Variants in SMIM10L1 observed in about 807,000 individuals in gnomAD.
The protein encoded by SMIM10L1 is small integral membrane protein 10 like 1.
In SMIM10L1, 6 loss-of-function variants were observed where a neutral mutation model predicts 4.5. The ratio of observed to expected loss-of-function variants is 1.33; its 90% CI spans 0.73 to 2.62. The LOEUF (loss-of-function observed/expected upper bound fraction) is 2.62, where lower values mean the gene tolerates loss of function less well. Among genes scored for constraint, SMIM10L1 ranks in the 30% most tolerant of loss-of-function variants. SMIM10L1 has a pLI of 0.00. For missense variants in SMIM10L1, 66 were observed against 86.2 expected (o/e 0.77, Z 0.93); for synonymous variants, 49 against 42.2 (o/e 1.16, Z -0.63).
At position 11,175,912 on chromosome 12, in the gene SMIM10L1, A is replaced by T. The variant is rs1271938058; in HGVS notation, c.*4349A>T. 1.3e-5 allele frequency: 2 copies of T among 152,216 alleles called. No individual in the cohort carries two copies. The highest frequency in any genetic ancestry group is 2.9e-5 in the Non-Finnish European group (2 of 68,036). 9.4% of individuals were successfully genotyped at this position (152,216 alleles called of 1,614,324 possible). ...AGGTTATAGGGAAAAGTCATCTATGAACAAGGAAATGAACCCTCACCAGAT... is the reference window on the plus strand; with the variant it reads ...AGGTTATAGGGAAAAGTCATCTATGTACAAGGAAATGAACCCTCACCAGAT... On this transcript the variant is annotated 3_prime_UTR_variant, in exon 1 of 1. Coordinates refer to ENST00000622602, the MANE Select transcript of SMIM10L1 (RefSeq NM_001271592.2).
At position 11,172,489 on chromosome 12, in the gene SMIM10L1, ATTAC is replaced by A. The variant is rs987137456; in HGVS notation, c.*931_*934del. 4 of 152,130 alleles carry A rather than the reference ATTAC, an allele frequency of 2.6e-5. No individual in the cohort carries two copies. The highest frequency in any genetic ancestry group is 4.4e-5 in the Non-Finnish European group (3 of 68,008). The allele number at this position is 152,130 out of a possible 1,614,324, so 9.4% of individuals were successfully genotyped here. A position where few individuals can be genotyped will look rare whatever the true frequency, so the allele number is the denominator to read the frequency against. On this transcript the variant is annotated 3_prime_UTR_variant, in exon 1 of 1. Coordinates refer to ENST00000622602, the MANE Select transcript of SMIM10L1 (RefSeq NM_001271592.2). ...TTGTTGAGTGGGGAAAGACATTTTT[ATTAC>A]TTACAGGGTAGCCATAAAGTTTCTA...
rs767368957 is a variant in SMIM10L1, at chr12:11,171,853, A to G, written c.*290A>G. On this transcript the variant is annotated 3_prime_UTR_variant, in exon 1 of 1. Coordinates refer to ENST00000622602, the MANE Select transcript of SMIM10L1 (RefSeq NM_001271592.2). ...CACCTGACGAATTTCAGAATGTGAC[A>G]AAGCGCAGAGGATGCATTATTTCAA... The G allele has an allele frequency of 4.3e-5, 12 of 280,536 alleles. No individual in the cohort carries two copies. Among genetic ancestry groups the G allele is most frequent in the Non-Finnish European group, 7.3e-5 (11 of 151,456 alleles). The allele number at this position is 280,536 out of a possible 1,614,324, so 17.4% of individuals were successfully genotyped here. A position where few individuals can be genotyped will look rare whatever the true frequency, so the allele number is the denominator to read the frequency against.
rs2136496013 is a variant in SMIM10L1 at position 11,173,232 on chromosome 12, T to G, written c.*1669T>G. On this transcript the variant is annotated 3_prime_UTR_variant, in exon 1 of 1. Transcript: ENST00000622602. ...ATCTTGCCCCGTCCAACACCATGTC[T>G]GGCCTAGGGTAATTGTTCTTTCTAG... 6.6e-6 allele frequency: 1 copy of G among 152,362 alleles called. No individual in the cohort carries two copies. The highest frequency in any genetic ancestry group is 2.1e-4 in the South Asian group (1 of 4,830). The allele number at this position is 152,362 out of a possible 1,614,324, so 9.4% of individuals were successfully genotyped here.
chr12:11,171,502 T>G lies in SMIM10L1; in HGVS notation c.146T>G (p.Phe49Cys). The change falls in exon 1 of 1, where the codon TTC (phenylalanine) becomes TGC (cysteine). Residue 49 changes from phenylalanine to cysteine, a missense_variant. Phe to Cys is a radical substitution (Grantham distance 205). Transcript: ENST00000622602. ...CTGGCCTGGCAGCTGCGCATGAACT[T>G]CCCGTACTTCTACGTCGCGGGCTCG... is the stretch of plus-strand genomic sequence containing the variant. ...FELAWQLRMN[F>C]PYFYVAGSVI... 1 of 1,232,258 alleles carries G rather than the reference T, an allele frequency of 8.1e-7. No homozygotes were observed. The highest frequency in any genetic ancestry group is 1.0e-6 in the Non-Finnish European group (1 of 988,096). 76.3% of individuals were successfully genotyped at this position (1,232,258 alleles called of 1,614,324 possible).
chr12:11,172,579 A>G lies in SMIM10L1; in HGVS notation c.*1016A>G, dbSNP rs1389552021. ...GAGAACAGTATGAAGTCAACAGGAA[A>G]TGGCTAAAGATGGAGAGCTCAGGTA... On this transcript the variant is annotated 3_prime_UTR_variant, in exon 1 of 1. Coordinates refer to ENST00000622602, the MANE Select transcript of SMIM10L1 (RefSeq NM_001271592.2). 6.6e-6 allele frequency: 1 copy of G among 152,212 alleles called. No individual in the cohort carries two copies. The highest frequency in any genetic ancestry group is 1.5e-5 in the Non-Finnish European group (1 of 68,034). 9.4% of individuals were successfully genotyped at this position (152,212 alleles called of 1,614,324 possible). A position where few individuals can be genotyped will look rare whatever the true frequency, so the allele number is the denominator to read the frequency against.
rs1947918496 is a variant in SMIM10L1, at chr12:11,174,436, T to A, written c.*2873T>A. The A allele has an allele frequency of 6.6e-6, 1 of 152,274 alleles. No individual in the cohort carries two copies. Among genetic ancestry groups the A allele is most frequent in the Non-Finnish European group, 1.5e-5 (1 of 67,996 alleles). The allele number at this position is 152,274 out of a possible 1,614,324, so 9.4% of individuals were successfully genotyped here. A position where few individuals can be genotyped will look rare whatever the true frequency, so the allele number is the denominator to read the frequency against. On this transcript the variant is annotated 3_prime_UTR_variant, in exon 1 of 1. Transcript: ENST00000622602. ...AAAGGAAACATATATTCGTTCCTGATAATAAGATGATTCACTTTATTGCCC... is the reference window on the plus strand; with the variant it reads ...AAAGGAAACATATATTCGTTCCTGAAAATAAGATGATTCACTTTATTGCCC...
Position 11,171,606 on chromosome 12 carries a change from C to A in SMIM10L1, c.*43C>A, listed in dbSNP as rs866470561. On this transcript the variant is annotated 3_prime_UTR_variant, in exon 1 of 1. Transcript: ENST00000622602. Reference sequence around the variant, plus strand: ...CGGCCTCCGGGGCCAGCATGATGGCCGACTCCCAGGGTCCGTTGCGGCGCG... The same window carrying A: ...CGGCCTCCGGGGCCAGCATGATGGCAGACTCCCAGGGTCCGTTGCGGCGCG... 9.9e-6 allele frequency: 12 copies of A among 1,209,968 alleles called. No homozygotes were observed. Among genetic ancestry groups the A allele is most frequent in the Non-Finnish European group, 1.2e-5 (12 of 967,920 alleles). 75.0% of individuals were successfully genotyped at this position (1,209,968 alleles called of 1,614,324 possible). A position where few individuals can be genotyped will look rare whatever the true frequency, so the allele number is the denominator to read the frequency against.
rs1947930286 is a variant in SMIM10L1, at chr12:11,175,180, T to C, written c.*3617T>C. 6.6e-6 allele frequency: 1 copy of C among 152,104 alleles called. No homozygotes were observed. Among genetic ancestry groups the C allele is most frequent in the Non-Finnish European group, 1.5e-5 (1 of 67,984 alleles). The allele number at this position is 152,104 out of a possible 1,614,324, so 9.4% of individuals were successfully genotyped here. On this transcript the variant is annotated 3_prime_UTR_variant, in exon 1 of 1. Transcript: ENST00000622602. ...TGCAGCCTTAAACCTATTGGCTTATTTTATTAGAGGGTTGGTGGGATTGAG... is the reference window on the plus strand; with the variant it reads ...TGCAGCCTTAAACCTATTGGCTTATCTTATTAGAGGGTTGGTGGGATTGAG...
At position 11,171,543 on chromosome 12, in the gene SMIM10L1, C is replaced by A. The variant is rs1316716681; in HGVS notation, c.187C>A (p.Arg63=). 12 of 1,232,084 alleles carry A rather than the reference C, an allele frequency of 9.7e-6. No homozygotes were observed. The highest frequency in any genetic ancestry group is 1.0e-6 in the Non-Finnish European group (1 of 988,048). The allele number at this position is 1,232,084 out of a possible 1,614,324, so 76.3% of individuals were successfully genotyped here. A position where few individuals can be genotyped will look rare whatever the true frequency, so the allele number is the denominator to read the frequency against. The change falls in exon 1 of 1, where the codon CGA becomes AGA. Residue 63 remains arginine, a synonymous_variant. Transcript: ENST00000622602. ...YVAGSVILNI[R]LQVHI is the part of the protein sequence containing the mutation. ...CGCGGGCTCGGTGATCCTCAACATCCGATTGCAGGTACATATTTAGAGCCA... is the reference window on the plus strand; with the variant it reads ...CGCGGGCTCGGTGATCCTCAACATCAGATTGCAGGTACATATTTAGAGCCA...
Position 11,172,816 on chromosome 12 carries a change from G to C in SMIM10L1, c.*1253G>C, listed in dbSNP as rs1947884386. 6.6e-6 allele frequency: 1 copy of C among 152,230 alleles called. No individual in the cohort carries two copies. Among genetic ancestry groups the C allele is most frequent in the Non-Finnish European group, 1.5e-5 (1 of 68,016 alleles). 9.4% of individuals were successfully genotyped at this position (152,230 alleles called of 1,614,324 possible). A position where few individuals can be genotyped will look rare whatever the true frequency, so the allele number is the denominator to read the frequency against. ...TATACCTCAACTGTGAATAATAGTAGTCATGTAAAGTCAGTCATAATTATG... is the reference window on the plus strand; with the variant it reads ...TATACCTCAACTGTGAATAATAGTACTCATGTAAAGTCAGTCATAATTATG... On this transcript the variant is annotated 3_prime_UTR_variant, in exon 1 of 1. Coordinates refer to ENST00000622602, the MANE Select transcript of SMIM10L1 (RefSeq NM_001271592.2).
chr12:11,171,856 G>A lies in SMIM10L1; in HGVS notation c.*293G>A, dbSNP rs1036236348. Reference sequence around the variant, plus strand: ...CTGACGAATTTCAGAATGTGACAAAGCGCAGAGGATGCATTATTTCAAAAC... The same window carrying A: ...CTGACGAATTTCAGAATGTGACAAAACGCAGAGGATGCATTATTTCAAAAC... On this transcript the variant is annotated 3_prime_UTR_variant, in exon 1 of 1. Transcript: ENST00000622602. The A allele has an allele frequency of 2.2e-5, 6 of 273,702 alleles. No homozygotes were observed. Among genetic ancestry groups the A allele is most frequent in the Non-Finnish European group, 3.4e-5 (5 of 147,220 alleles). The allele number at this position is 273,702 out of a possible 1,614,324, so 17.0% of individuals were successfully genotyped here.
rs957270377 is a variant in SMIM10L1, at chr12:11,172,143, G to A, written c.*580G>A. The A allele has an allele frequency of 2.0e-5, 3 of 152,222 alleles. No homozygotes were observed. Among genetic ancestry groups the A allele is most frequent in the African/African-American group, 2.4e-5 (1 of 41,466 alleles). The allele number at this position is 152,222 out of a possible 1,614,324, so 9.4% of individuals were successfully genotyped here. ...TTTTGAACTAATGGCGAGAGTGTAA[G>A]AAAATGGGCTCTACTTCAGTGATCC... On this transcript the variant is annotated 3_prime_UTR_variant, in exon 1 of 1. Transcript: ENST00000622602.
At position 11,172,385 on chromosome 12, in the gene SMIM10L1, A is replaced by G. The variant is rs1295488966; in HGVS notation, c.*822A>G. 2 of 152,098 alleles carry G rather than the reference A, an allele frequency of 1.3e-5. No homozygotes were observed. Among genetic ancestry groups the G allele is most frequent in the Non-Finnish European group, 2.9e-5 (2 of 68,026 alleles). The allele number at this position is 152,098 out of a possible 1,614,324, so 9.4% of individuals were successfully genotyped here. A position where few individuals can be genotyped will look rare whatever the true frequency, so the allele number is the denominator to read the frequency against. ...AATACAGCCGGAAAATACAAGTGGG[A>G]ATGTTGAAGGAGGGCGGGGGAAGTA... is the stretch of plus-strand genomic sequence containing the variant. On this transcript the variant is annotated 3_prime_UTR_variant, in exon 1 of 1. Transcript: ENST00000622602.
rs936733573 is a variant in SMIM10L1, at chr12:11,172,735, A to T, written c.*1172A>T. The T allele has an allele frequency of 1.1e-4, 16 of 152,266 alleles. No homozygotes were observed. Among genetic ancestry groups the T allele is most frequent in the Admixed American group, 1.0e-3 (16 of 15,292 alleles). The allele number at this position is 152,266 out of a possible 1,614,324, so 9.4% of individuals were successfully genotyped here. A position where few individuals can be genotyped will look rare whatever the true frequency, so the allele number is the denominator to read the frequency against. ...TTTTTCAAAATTAAGAAAACAGAACATATAATTTTGAACGCTGAGAAAAAT... is the reference window on the plus strand; with the variant it reads ...TTTTTCAAAATTAAGAAAACAGAACTTATAATTTTGAACGCTGAGAAAAAT... On this transcript the variant is annotated 3_prime_UTR_variant, in exon 1 of 1. Transcript: ENST00000622602.
rs1947924540 is a variant in SMIM10L1, at chr12:11,174,757, A to T, written c.*3194A>T. 6.6e-6 allele frequency: 1 copy of T among 152,342 alleles called. No individual in the cohort carries two copies. Among genetic ancestry groups the T allele is most frequent in the Non-Finnish European group, 1.5e-5 (1 of 67,980 alleles). 9.4% of individuals were successfully genotyped at this position (152,342 alleles called of 1,614,324 possible). A position where few individuals can be genotyped will look rare whatever the true frequency, so the allele number is the denominator to read the frequency against. On this transcript the variant is annotated 3_prime_UTR_variant, in exon 1 of 1. Transcript: ENST00000622602. ...ATAGCATATCATTACCATCAGCATC[A>T]TTTTTAAAATATATTGAGTTTTTAA...
At position 11,173,949 on chromosome 12, in the gene SMIM10L1, TTACTA is replaced by T; in HGVS notation, c.*2389_*2393del. Reference sequence around the variant, plus strand: ...ATATGTATATATGTATAGTTACTACTTACTATATATGTATACAGTATATAAGTATA... The same window carrying T: ...ATATGTATATATGTATAGTTACTACTTATATGTATACAGTATATAAGTATA... On this transcript the variant is annotated 3_prime_UTR_variant, in exon 1 of 1. Coordinates refer to ENST00000622602, the MANE Select transcript of SMIM10L1 (RefSeq NM_001271592.2). 6.6e-6 allele frequency: 1 copy of T among 151,438 alleles called. No homozygotes were observed. The highest frequency in any genetic ancestry group is 3.5e-3 in the Middle Eastern group (1 of 286). 9.4% of individuals were successfully genotyped at this position (151,438 alleles called of 1,614,324 possible). A position where few individuals can be genotyped will look rare whatever the true frequency, so the allele number is the denominator to read the frequency against.
chr12:11,174,606 G>A lies in SMIM10L1; in HGVS notation c.*3043G>A, dbSNP rs998471650. On this transcript the variant is annotated 3_prime_UTR_variant, in exon 1 of 1. Coordinates refer to ENST00000622602, the MANE Select transcript of SMIM10L1 (RefSeq NM_001271592.2). The stretch of plus-strand genomic sequence containing the variant: ...CAAAAAAAAAAATGGGAAACGATGC[G>A]TTACAGCTTATTTTAACTATAAAAG... The A allele has an allele frequency of 1.2e-4, 18 of 151,046 alleles. No homozygotes were observed. The highest frequency in any genetic ancestry group is 3.4e-4 in the African/African-American group (14 of 41,094). The allele number at this position is 151,046 out of a possible 1,614,324, so 9.4% of individuals were successfully genotyped here.
Position 11,171,380 on chromosome 12 carries a change from C to A in SMIM10L1, c.24C>A (p.Ser8=), listed in dbSNP as rs148825190. The A allele has an allele frequency of 0.012, 14,327 of 1,231,952 alleles. 94 individuals are homozygous for A. Among genetic ancestry groups the A allele is most frequent in the Middle Eastern group, 0.017 (56 of 3,210 alleles). The allele number at this position is 1,231,952 out of a possible 1,614,324, so 76.3% of individuals were successfully genotyped here. A position where few individuals can be genotyped will look rare whatever the true frequency, so the allele number is the denominator to read the frequency against. MAPAAAP[S]SLAVRASSPA... The stretch of plus-strand genomic sequence containing the variant: ...TCATGGCCCCCGCGGCGGCTCCGTC[C>A]TCCTTGGCCGTCAGGGCCTCAAGCC... The change falls in exon 1 of 1, where the codon TCC becomes TCA. Residue 8 remains serine (S), a synonymous_variant. Coordinates refer to ENST00000622602, the MANE Select transcript of SMIM10L1 (RefSeq NM_001271592.2).
In SMIM10L1 at chr12:11,171,231, A is replaced by T; in HGVS notation, c.-126A>T. 1.8e-6 allele frequency: 1 copy of T among 555,344 alleles called. No homozygotes were observed. The highest frequency in any genetic ancestry group is 2.7e-6 in the Non-Finnish European group (1 of 370,248). The allele number at this position is 555,344 out of a possible 1,614,324, so 34.4% of individuals were successfully genotyped here. ...CACTGCACCGAGCGGCGGCAGCGGC[A>T]AGCTTGGGTGTGAGCCCGGGAGCCG... On this transcript the variant is annotated 5_prime_UTR_variant, in exon 1 of 1. Transcript: ENST00000622602.
Sources: allele counts gnomAD v4.1 joint callset, GRCh38; gene constraint gnomAD v4.1.1; transcripts MANE v1.5; gene names NCBI Gene and HGNC (gene_info 2026-07-23, HGNC 2026-07-21).